STX8: variants seen among roughly 807,000 people sequenced by gnomAD.
STX8 encodes syntaxin-8.
Under a neutral mutation model 37.5 loss-of-function variants are expected in STX8, and 23 were observed. The observed-to-expected ratio is 0.61, with a 90% CI of 0.44 to 0.87. The LOEUF is 0.87. Ranked by LOEUF, STX8 falls within the 40% of genes least tolerant of loss-of-function variation. The probability of loss-of-function intolerance (pLI) is 0.00; values close to 1 mark genes in which losing one functional copy is unlikely to be tolerated. For synonymous variants in STX8, 115 were observed against 99.1 expected (o/e 1.16, Z -0.95); for missense variants, 313 against 284.7 (o/e 1.10, Z -0.71).
intron 7 of STX8, among the ~76,000 whole-genome samples, chr17:9,336,931 T>A (rs1328808035): frequency 6.6e-6 from 1 of 152,214 alleles, no homozygotes. Context: ...TCTGAACATT[T>A]GAATGAATGC....
At chr17:9,343,225 C>G (rs1021730664) in intron 7 of STX8, among the ~76,000 whole-genome samples, 7 of 152,102 alleles carry the variant, frequency 4.6e-5, no homozygotes, top group African/African-American at 1.4e-4. Context: ...CCAAACCACA[C>G]TGTTGCCCCG....
chr17:9,343,488 C>G (rs1454718842), intron 7 of STX8, among the ~76,000 whole-genome samples: 3 of 152,204 alleles, frequency 2.0e-5, no homozygotes, highest in Admixed American at 6.5e-5. Context: ...TAAAGCCTCT[C>G]ATGTGAAAGA....
intron 7 of STX8, among the ~76,000 whole-genome samples, chr17:9,339,055 A>G (rs1910239106): frequency 6.8e-6 from 1 of 148,006 alleles, no homozygotes; most frequent in African/African-American, 2.6e-5. Flanking sequence ...TGGTTGACAA[A>G]GCGAGACTCC....
chr17:9,468,709 C>A (rs1466499960), intron 6 of STX8, among the ~76,000 whole-genome samples: 1 of 152,146 alleles, frequency 6.6e-6, no homozygotes, highest in African/African-American at 2.4e-5. Context: ...TAGAGCTGCC[C>A]TGCCCAAGGA....
intron 6 of STX8, among the ~76,000 whole-genome samples, chr17:9,485,645 G>A (rs1400823913): frequency 6.6e-6 from 1 of 151,236 alleles, no homozygotes; most frequent in Non-Finnish European, 1.5e-5. Context: ...GAGTGCAGTG[G>A]CGTGATCTCA....
Position 9,507,691 on chromosome 17 carries a change from C to T in STX8, c.324-2529G>A, listed in dbSNP as rs375585755. Reference sequence around the variant, plus strand: ...TGAGACCCCAAGTTGGACAACCCACCATGTGAACGCATGCATCGCTGACCT... The same window carrying T: ...TGAGACCCCAAGTTGGACAACCCACTATGTGAACGCATGCATCGCTGACCT... On this transcript the variant is annotated intron_variant, in intron 4 of 7. Coordinates refer to ENST00000306357, the MANE Select transcript of STX8 (RefSeq NM_004853.3). This position sits in a 1 kb window ranked among gnomAD's most constrained non-coding sequence, Gnocchi z 4.0. Among the ~76,000 whole-genome samples the T allele has an allele frequency of 1.3e-5, 2 of 152,216 alleles. No individual in the cohort carries two copies. Among genetic ancestry groups the T allele is most frequent in the African/African-American group, 4.8e-5 (2 of 41,454 alleles).
intron 6 of STX8, among the ~76,000 whole-genome samples, chr17:9,402,216 T>C (rs1181130438): frequency 6.6e-6 from 1 of 151,806 alleles, no homozygotes; most frequent in African/African-American, 2.4e-5. Context: ...GCCTCCTGAG[T>C]TCAAGCGATT....
chr17:9,405,014 CATG>C (rs1390154024), intron 6 of STX8, among the ~76,000 whole-genome samples: 2 of 152,078 alleles, frequency 1.3e-5, no homozygotes, highest in African/African-American at 2.4e-5. Context: ...CAGTCTCTCT[CATG>C]ATTTTTTTGT....
intron 5 of STX8, among the ~76,000 whole-genome samples, chr17:9,493,202 CT>C (rs1370710152): frequency 2.0e-5 from 3 of 151,744 alleles, no homozygotes; most frequent in Non-Finnish European, 4.4e-5. Flanking sequence ...GAGTTCGAGG[CT>C]GCAGTGAGCC....
chr17:9,309,645 C>T (rs956703929), intron 7 of STX8, among the ~76,000 whole-genome samples: 4 of 152,064 alleles, frequency 2.6e-5, no homozygotes, highest in Admixed American at 6.6e-5. Flanking sequence ...ACTCCCACTC[C>T]GCTGAATTTT....
rs1018939458 is a variant in STX8 at position 9,563,010 on chromosome 17, T to C, written c.117+5361A>G. Among the ~76,000 whole-genome samples the C allele has an allele frequency of 5.9e-5, 9 of 152,088 alleles. No individual in the cohort carries two copies. The South Asian group carries it at 8.3e-4, about 14-fold the overall frequency. ...GCCTTTCCTTAGGAGACAGGTTAAATAAAGAATGTTACATCTACGCAATAG... is the reference window on the plus strand; with the variant it reads ...GCCTTTCCTTAGGAGACAGGTTAAACAAAGAATGTTACATCTACGCAATAG... On this transcript the variant is annotated intron_variant, in intron 2 of 7. Coordinates refer to ENST00000306357, the MANE Select transcript of STX8 (RefSeq NM_004853.3).
At chr17:9,493,995 T>A (rs1409362255) in intron 5 of STX8, among the ~76,000 whole-genome samples, 3 of 88 alleles carry the variant, frequency 0.034, no homozygotes, top group Non-Finnish European at 0.043. Context: ...TATGTTTTGT[T>A]TTTTTTTGTT....
chr17:9,526,076 C>T (rs564024905), intron 4 of STX8, among the ~76,000 whole-genome samples: 1 of 152,162 alleles, frequency 6.6e-6, no homozygotes, highest in Admixed American at 6.6e-5. Flanking sequence ...GTAATACTGT[C>T]CCTGCAAGTG....
intron 7 of STX8, among the ~76,000 whole-genome samples, chr17:9,373,328 G>T (rs915554234): frequency 8.5e-5 from 13 of 152,090 alleles, no homozygotes; most frequent in Admixed American, 5.9e-4. Flanking sequence ...CATTTATGGT[G>T]GCATTATTCA....
At chr17:9,492,260 C>T (rs1906883874) in intron 5 of STX8, among the ~76,000 whole-genome samples, 1 of 152,114 alleles carries the variant, frequency 6.6e-6, no homozygotes, top group South Asian at 2.1e-4. Context: ...GCAGAGGATA[C>T]AGGCAAGAAC....
chr17:9,363,632 G>A (rs1911136636), intron 7 of STX8, among the ~76,000 whole-genome samples: 1 of 152,050 alleles, frequency 6.6e-6, no homozygotes, highest in Non-Finnish European at 1.5e-5. Context: ...ACATGTACAC[G>A]TACATCAGTC....
intron 6 of STX8, among the ~76,000 whole-genome samples, chr17:9,409,546 C>T (rs764819717): frequency 6.6e-6 from 1 of 152,148 alleles, no homozygotes; most frequent in African/African-American, 2.4e-5. Flanking sequence ...TCAGGGGAAT[C>T]GTTCAGGGAG....
chr17:9,340,801 G>T (rs1023916372), intron 7 of STX8, among the ~76,000 whole-genome samples: 9 of 150,342 alleles, frequency 6.0e-5, no homozygotes, highest in Non-Finnish European at 7.4e-5. Flanking sequence ...GGGATGACAG[G>T]CATGTGCGAC....
At chr17:9,493,738 T>G (rs1906956392) in intron 5 of STX8, among the ~76,000 whole-genome samples, 1 of 152,196 alleles carries the variant, frequency 6.6e-6, no homozygotes, top group Non-Finnish European at 1.5e-5. Context: ...TTTGACCTCT[T>G]GTTAGCTAAT....
Sources: allele counts gnomAD v4.1 joint callset (sites outside exome capture counted in the v4.1 genomes callset), GRCh38; gene constraint gnomAD v4.1.1; non-coding constraint Gnocchi (gnomAD v3.1); transcripts MANE v1.5; gene names NCBI Gene and HGNC (gene_info 2026-07-23, HGNC 2026-07-21).